The following HPSE variants were observed in gnomAD, a reference collection of about 807,000 sequenced individuals.
HPSE encodes heparanase, also known as endo-glucoronidase.
Under a neutral mutation model 65.1 loss-of-function variants are expected in HPSE, and 48 were observed. The ratio of observed to expected loss-of-function variants is 0.74; its 90% CI spans 0.58 to 0.94. The LOEUF (loss-of-function observed/expected upper bound fraction) is 0.94. HPSE is among the 40% of genes least tolerant of loss of function. HPSE has a pLI of 0.00. For synonymous variants in HPSE, 243 were observed against 260.0 expected, an observed-to-expected ratio of 0.93 and a Z score of 0.63; for missense variants, 644 against 637.5, an observed-to-expected ratio of 1.01 and a Z score of -0.11.
chr4:83,334,178 C>T (rs1300055603), intron 1 of HPSE, among the ~76,000 whole-genome samples: 3 of 152,096 alleles, frequency 2.0e-5, no homozygotes, highest in Admixed American at 6.5e-5. Context: ...GAATAGTAGA[C>T]ACTGGAGACT....
chr4:83,304,006 A>G (rs1736059436), intron 9 of HPSE, among the ~76,000 whole-genome samples: 1 of 52,764 alleles, frequency 1.9e-5, no homozygotes, highest in African/African-American at 4.5e-5. Context: ...CTGTAACAAG[A>G]CAGAAAACAG....
intron 11 of HPSE, among the ~76,000 whole-genome samples, chr4:83,298,747 G>A (rs1735822171): frequency 6.6e-6 from 1 of 152,136 alleles, no homozygotes; most frequent in Non-Finnish European, 1.5e-5. Flanking sequence ...AGGATCACTT[G>A]AGCCCAGGTA....
Position 83,322,250 on chromosome 4 carries a change from C to T in HPSE, c.342G>A (p.Glu114=). 1.2e-6 allele frequency: 2 copies of T among 1,613,724 alleles called. No homozygotes were observed. The highest frequency in any genetic ancestry group is 1.7e-6 in the Non-Finnish European group (2 of 1,179,808). The change falls in exon 2 of 12, where the codon GAG becomes GAA. Residue 114 remains glutamate, a synonymous_variant. Coordinates refer to ENST00000311412, the MANE Select transcript of HPSE (RefSeq NM_001098540.3). The part of the protein sequence containing the change: ...FDPKKESTFE[E]RSYWQSQVNQ... Reference sequence around the variant, plus strand: ...TGACTTGAGATTGCCAGTAACTTCTCTCTTCAAAGGTTGATTCCTTCTTGG... The same window carrying T: ...TGACTTGAGATTGCCAGTAACTTCTTTCTTCAAAGGTTGATTCCTTCTTGG...
chr4:83,313,492 T>G (rs1488313920), intron 3 of HPSE, among the ~76,000 whole-genome samples: 4 of 152,168 alleles, frequency 2.6e-5, no homozygotes, highest in Admixed American at 2.0e-4. Flanking sequence ...AGCTGTTGAA[T>G]GAAATCCCAT....
rs562567202 is a variant in HPSE, at chr4:83,314,019, G to A, written c.500-732C>T. Among the ~76,000 whole-genome samples the A allele has an allele frequency of 1.1e-4, 17 of 152,268 alleles. No individual in the cohort carries two copies. The South Asian group carries it at 2.9e-3, about 26-fold the overall frequency. The stretch of plus-strand genomic sequence containing the variant: ...TGTCATCCTAGCACTTTGGGAGGCC[G>A]AGGCGGGCGGATCACTTGAGCCCAG... On this transcript the variant is annotated intron_variant, in intron 3 of 11. Transcript: ENST00000311412.
rs1736106995 is a variant in HPSE, at chr4:83,305,248, A to G, written c.1206+955T>C. Among the ~76,000 whole-genome samples the G allele has an allele frequency of 2.6e-5, 4 of 152,210 alleles. No homozygotes were observed. In the South Asian group the frequency reaches 8.3e-4, roughly 32 times the overall value. On this transcript the variant is annotated intron_variant, in intron 9 of 11. Transcript: ENST00000311412. ...ATAAAAAGGTCAGGAGTAGATTTTG[A>G]ATGTTTGTCTGGTGAAATTACTATG...
intron 11 of HPSE, among the ~76,000 whole-genome samples, chr4:83,298,463 C>G (rs1306846297): frequency 6.6e-6 from 1 of 150,962 alleles, no homozygotes; most frequent in East Asian, 1.9e-4. Context: ...ATAGTGAGAC[C>G]TTGTCTCTAT....
intron 3 of HPSE, among the ~76,000 whole-genome samples, chr4:83,318,867 A>T (rs1736760561): frequency 6.6e-6 from 1 of 152,146 alleles, no homozygotes; most frequent in East Asian, 1.9e-4. Flanking sequence ...GCCACAGAGG[A>T]AACAAAAAGA....
rs534167921 is a variant in HPSE, at chr4:83,325,310, C to T, written c.228-2946G>A. Among the ~76,000 whole-genome samples, 11 of 152,138 alleles carry T rather than the reference C, an allele frequency of 7.2e-5. No homozygotes were observed. In the South Asian group the frequency reaches 2.3e-3, roughly 32 times the overall value. ...CCTCCCTAGTAGCTGGGACTATACG[C>T]ACCCACCACCATGCCCAGCTAATTT... is the stretch of plus-strand genomic sequence containing the variant. On this transcript the variant is annotated intron_variant, in intron 1 of 11. Coordinates refer to ENST00000311412, the MANE Select transcript of HPSE (RefSeq NM_001098540.3).
chr4:83,295,891 G>T (rs904638768), intron 11 of HPSE, among the ~76,000 whole-genome samples: 3 of 152,148 alleles, frequency 2.0e-5, no homozygotes, highest in East Asian at 1.9e-4. Flanking sequence ...TTTATGTAAA[G>T]AAAATAGATA....
chr4:83,313,249 A>G lies in HPSE; in HGVS notation c.538T>C (p.Ser180Pro), dbSNP rs1736488672. 5 of 1,613,952 alleles carry G rather than the reference A, an allele frequency of 3.1e-6. No homozygotes were observed. The highest frequency in any genetic ancestry group is 4.2e-6 in the Non-Finnish European group (5 of 1,179,946). ...VDVLYTFANC[S>P]GLDLIFGLNA... ...AGGCCAAAGATCAAGTCCAGTCCTG[A>G]GCAGTTTGCAAAAGTGTATAGCACA... Residue 180 changes from serine to proline, a missense_variant, in exon 4 of 12, where the codon TCA becomes CCA. Ser to Pro is a moderately conservative substitution (Grantham distance 74, BLOSUM62 -1). Transcript: ENST00000311412.
rs778375805 is a variant in HPSE at position 83,322,273 on chromosome 4, T to C, written c.319A>G (p.Lys107Glu). ...CTCTCTTCAAAGGTTGATTCCTTCT[T>C]GGGATCGAAAATTAGGAAGTCTGTC... ...TKTDFLIFDP[K>E]KESTFEERSY... Residue 107 changes from lysine (K) to glutamate (E), a missense_variant, in exon 2 of 12, where the codon AAG becomes GAG. Transcript: ENST00000311412. The C allele has an allele frequency of 1.2e-6, 2 of 1,614,022 alleles. No individual in the cohort carries two copies. Among genetic ancestry groups the C allele is most frequent in the African/African-American group, 1.3e-5 (1 of 75,030 alleles).
At chr4:83,302,383 G>C (rs1735986139) in intron 9 of HPSE, 115 bp from the exon 10 acceptor site, 4 of 656,256 alleles carry the variant, frequency 6.1e-6, no homozygotes, top group South Asian at 1.9e-5. Context: ...CTGTTATCCT[G>C]GGGGCATTTA....
At chr4:83,310,115 T>C (rs747977853) in intron 5 of HPSE, 37 bp from the exon 6 acceptor site, 2 of 1,352,842 alleles carry the variant, frequency 1.5e-6, no homozygotes, top group Admixed American at 1.7e-5. Context: ...AGTCATATAA[T>C]ACATATATAT....
In HPSE at chr4:83,295,596, A is replaced by C; in HGVS notation, c.1473-93T>G. The C allele has an allele frequency of 6.3e-6, 7 of 1,117,364 alleles. No individual in the cohort carries two copies. In the South Asian group the frequency reaches 1.3e-4, roughly 21 times the overall value. The allele number at this position is 1,117,364 out of a possible 1,614,324, so 69.2% of individuals were successfully genotyped here. A position where few individuals can be genotyped will look rare whatever the true frequency, so the allele number is the denominator to read the frequency against. On this transcript the variant is annotated intron_variant, in intron 11 of 11. Coordinates refer to ENST00000311412, the MANE Select transcript of HPSE (RefSeq NM_001098540.3). ...CATGAAATCTTTTTTAGACCAAATA[A>C]ATTTTTTTTTGTGGCAGCCTATATT...
chr4:83,329,327 G>A (rs1254569575), intron 1 of HPSE, among the ~76,000 whole-genome samples: 1 of 152,184 alleles, frequency 6.6e-6, no homozygotes, highest in East Asian at 1.9e-4. Flanking sequence ...GGGCCACCCT[G>A]TAGATTCCAA....
At chr4:83,302,086 G>A in intron 10 of HPSE, 64 bp downstream of exon 10, 1 of 1,031,368 alleles carries the variant, frequency 9.7e-7, no homozygotes, top group East Asian at 2.4e-5. Context: ...CAGGGTGTTT[G>A]AGTAAAGTTA....
chr4:83,316,296 G>C lies in HPSE; in HGVS notation c.500-3009C>G, dbSNP rs143583740. Among the ~76,000 whole-genome samples, 689 of 151,176 alleles carry C rather than the reference G, an allele frequency of 4.6e-3. 23 individuals are homozygous for C. The East Asian group carries it at 0.08, about 18-fold the overall frequency. On this transcript the variant is annotated intron_variant, in intron 3 of 11. Transcript: ENST00000311412. ...CCTGCCTCAGCCTCTCAAAGTGCTG[G>C]GATTACAGGCGTGAGCCACCACGTC... is the stretch of plus-strand genomic sequence containing the variant.
At position 83,295,245 on chromosome 4, in the gene HPSE, A is replaced by T; in HGVS notation, c.*99T>A. On this transcript the variant is annotated 3_prime_UTR_variant, in exon 12 of 12. Transcript: ENST00000311412. The stretch of plus-strand genomic sequence containing the variant: ...TCCCAGTGTCTCTCAAGCACCCACT[A>T]GTTGCTTTGCAAGGTATCTGCTTCC... 1 of 970,944 alleles carries T rather than the reference A, an allele frequency of 1.0e-6. No individual in the cohort carries two copies. Among genetic ancestry groups the T allele is most frequent in the Non-Finnish European group, 1.5e-6 (1 of 647,938 alleles). 60.1% of individuals were successfully genotyped at this position (970,944 alleles called of 1,614,324 possible).
Sources: allele counts gnomAD v4.1 joint callset (sites outside exome capture counted in the v4.1 genomes callset), GRCh38; gene constraint gnomAD v4.1.1; transcripts MANE v1.5; gene names NCBI Gene and HGNC (gene_info 2026-07-23, HGNC 2026-07-21).